The following OSBPL10 variants were observed in gnomAD, a reference collection of about 807,000 sequenced individuals.
The protein encoded by OSBPL10 is oxysterol-binding protein-related protein 10.
Under a neutral mutation model 81.7 loss-of-function variants are expected in OSBPL10, and 49 were observed. That is an observed-to-expected ratio of 0.60 (90% CI 0.48 to 0.76). The LOEUF (loss-of-function observed/expected upper bound fraction) is 0.76, where lower values mean the gene tolerates loss of function less well. OSBPL10 is among the 30% of genes least tolerant of loss of function. The probability of loss-of-function intolerance (pLI) is 0.00; values close to 1 mark genes in which losing one functional copy is unlikely to be tolerated. For synonymous variants in OSBPL10, 419 were observed against 383.6 expected, an observed-to-expected ratio of 1.09 and a Z score of -1.08; for missense variants, 923 against 987.8, an observed-to-expected ratio of 0.93 and a Z score of 0.88.
chr3:31,852,781 A>G (rs943442364), intron 3 of OSBPL10, among the ~76,000 whole-genome samples: 1 of 151,688 alleles, frequency 6.6e-6, no homozygotes, highest in Non-Finnish European at 1.5e-5. Flanking sequence ...GTTTCACCAT[A>G]TTGGCCAGGC....
At chr3:31,870,165 G>T (rs1199791358) in intron 3 of OSBPL10, among the ~76,000 whole-genome samples, 1 of 152,248 alleles carries the variant, frequency 6.6e-6, no homozygotes, top group Non-Finnish European at 1.5e-5. Context: ...GCGCTTGCGG[G>T]CCAGCTGGAG....
Position 31,830,090 on chromosome 3 carries a change from C to A in OSBPL10, c.679G>T (p.Ala227Ser), listed in dbSNP as rs751308846. Residue 227 changes from alanine to serine, a missense_variant, in exon 4 of 12, where the codon GCC (alanine) becomes TCC (serine). Ala to Ser is a moderately conservative substitution (Grantham distance 99). Transcript: ENST00000396556. ...TITHHKSPAA[A>S]RRAKSQYSGQ... ...GAATACTGACTCTTGGCTCTTCGGG[C>A]GGCTGCAGGCGACTTGTGATGCGTG... 6.2e-6 allele frequency: 10 copies of A among 1,613,880 alleles called. No individual in the cohort carries two copies. The highest frequency in any genetic ancestry group is 3.3e-5 in the South Asian group (3 of 91,050).
intron 3 of OSBPL10, among the ~76,000 whole-genome samples, chr3:31,859,208 A>T (rs1283352116): frequency 5.3e-5 from 8 of 151,702 alleles, no homozygotes; most frequent in African/African-American, 2.0e-4. Context: ...TACATTGTCT[A>T]TCACACCAGA....
intron 6 of OSBPL10, chr3:31,708,959 G>A: frequency 1.0e-6 from 1 of 985,424 alleles, no homozygotes; most frequent in Non-Finnish European, 1.2e-6. Context: ...GAAGGCTCCT[G>A]CACACGTACT....
In OSBPL10 at chr3:31,661,940, T is replaced by TTC. The variant is rs959547149; in HGVS notation, c.*130_*131dup. 4.6e-6 allele frequency: 6 copies of TTC among 1,315,952 alleles called. No homozygotes were observed. The highest frequency in any genetic ancestry group is 4.4e-5 in the African/African-American group (3 of 67,678). The allele number at this position is 1,315,952 out of a possible 1,614,324, so 81.5% of individuals were successfully genotyped here. On this transcript the variant is annotated 3_prime_UTR_variant, in exon 12 of 12. Coordinates refer to ENST00000396556, the MANE Select transcript of OSBPL10 (RefSeq NM_017784.5). Reference sequence around the variant, plus strand: ...GGGTGCACTTTTCATAGTATATAATTTCTCTCTCTCTCATCATTTCTTGGA... The same window carrying TTC: ...GGGTGCACTTTTCATAGTATATAATTTCTCTCTCTCTCTCATCATTTCTTGGA...
intron 4 of OSBPL10, among the ~76,000 whole-genome samples, chr3:31,785,464 G>A (rs1698837910): frequency 6.6e-6 from 1 of 152,048 alleles, no homozygotes; most frequent in African/African-American, 2.4e-5. Flanking sequence ...TTTAAATCAC[G>A]AGGAAGAATT....
Position 32,061,038 on chromosome 3 carries a change from C to T in OSBPL10, n.186-14435G>A, listed in dbSNP as rs1353432545. 4.5e-5 allele frequency among the ~76,000 whole-genome samples: 4 copies of T among 89,224 alleles called. 1 individual carries two copies. The highest frequency in any genetic ancestry group is 1.1e-4 in the African/African-American group (4 of 34,922). 58.5% of individuals were successfully genotyped at this position (89,224 alleles called of 152,430 possible). ...GCTCTGTCCCTCGACACAATCACCC[C>T]TCTTCAGTTCCTCAAACAAGCCCCA... On this transcript the variant is annotated intron_variant and non_coding_transcript_variant, in intron 1 of 3. Transcript: ENST00000479173.
At chr3:31,763,604 A>G (rs564342520) in intron 4 of OSBPL10, among the ~76,000 whole-genome samples, 1 of 152,350 alleles carries the variant, frequency 6.6e-6, no homozygotes. Flanking sequence ...CCTTAGCTCT[A>G]CCCAGTAAAC....
intron 1 of OSBPL10, among the ~76,000 whole-genome samples, chr3:31,910,998 C>A (rs146395470): frequency 1.3e-5 from 2 of 152,124 alleles, no homozygotes; most frequent in Non-Finnish European, 2.9e-5. Context: ...TGCTTTGATT[C>A]TTTTCATCTC....
At chr3:31,771,588 C>T (rs1423928534) in intron 4 of OSBPL10, among the ~76,000 whole-genome samples, 1 of 152,136 alleles carries the variant, frequency 6.6e-6, no homozygotes, top group Non-Finnish European at 1.5e-5. Context: ...AGGAACTCCC[C>T]AAACCTCCAT....
intron 5 of OSBPL10, among the ~76,000 whole-genome samples, chr3:31,745,717 A>T (rs1343143975): frequency 2.0e-5 from 3 of 152,186 alleles, no homozygotes; most frequent in Admixed American, 6.5e-5. Flanking sequence ...GTGTCCCAGC[A>T]TATCATCTGA....
chr3:31,884,351 T>C (rs1368359090), intron 1 of OSBPL10, among the ~76,000 whole-genome samples: 2 of 152,256 alleles, frequency 1.3e-5, no homozygotes, highest in East Asian at 3.8e-4. Context: ...TTTACTCCTC[T>C]TCTAAAGACA....
chr3:31,875,082 T>TTAAA (rs1701418024), intron 3 of OSBPL10, among the ~76,000 whole-genome samples: 1 of 103,078 alleles, frequency 9.7e-6, no homozygotes. Flanking sequence ...ATATATTAAG[T>TTAAA]AAAAAAAAAA....
At chr3:31,728,673 A>G (rs991339160) in intron 6 of OSBPL10, among the ~76,000 whole-genome samples, 18 of 152,166 alleles carry the variant, frequency 1.2e-4, no homozygotes, top group Admixed American at 1.0e-3. Context: ...TTCCATATAT[A>G]TATGACATTC....
chr3:31,773,353 G>A (rs1264807939), intron 4 of OSBPL10, among the ~76,000 whole-genome samples: 4 of 152,206 alleles, frequency 2.6e-5, no homozygotes, highest in South Asian at 4.2e-4. Flanking sequence ...ACGCCTGGGG[G>A]ACATTTAAAA....
intron 6 of OSBPL10, among the ~76,000 whole-genome samples, chr3:31,722,656 C>A (rs539379912): frequency 1.3e-5 from 2 of 152,044 alleles, no homozygotes; most frequent in African/African-American, 2.4e-5. Flanking sequence ...CCTTGAATTA[C>A]ATTATATATA....
At position 31,662,046 on chromosome 3, in the gene OSBPL10, C is replaced by T. The variant is rs1354814806; in HGVS notation, c.*26G>A. The T allele has an allele frequency of 6.2e-7, 1 of 1,612,772 alleles. No individual in the cohort carries two copies. Among genetic ancestry groups the T allele is most frequent in the African/African-American group, 1.3e-5 (1 of 74,992 alleles). On this transcript the variant is annotated 3_prime_UTR_variant, in exon 12 of 12. Coordinates refer to ENST00000396556, the MANE Select transcript of OSBPL10 (RefSeq NM_017784.5). ...ATATTCCTACAAAAACAGGGCTATACTGGAAAGCTCTGCACCTCCACCCCA... is the reference window on the plus strand; with the variant it reads ...ATATTCCTACAAAAACAGGGCTATATTGGAAAGCTCTGCACCTCCACCCCA...
chr3:31,712,257 G>A (rs888889051), intron 6 of OSBPL10, among the ~76,000 whole-genome samples: 1 of 152,292 alleles, frequency 6.6e-6, no homozygotes, highest in East Asian at 1.9e-4. Context: ...CTCTAGCTTT[G>A]TGCACCCAGT....
At chr3:31,805,914 A>AACTATTAAACC (rs1699510973) in intron 4 of OSBPL10, among the ~76,000 whole-genome samples, 1 of 151,976 alleles carries the variant, frequency 6.6e-6, no homozygotes, top group Non-Finnish European at 1.5e-5. Flanking sequence ...AGTACCTGGC[A>AACTATTAAACC]CTGTTCTAAG....
Sources: allele counts gnomAD v4.1 joint callset (sites outside exome capture counted in the v4.1 genomes callset), GRCh38; gene constraint gnomAD v4.1.1; transcripts MANE v1.5; gene names NCBI Gene and HGNC (gene_info 2026-07-23, HGNC 2026-07-21).